The following GLCCI1 variants were observed in gnomAD, a reference collection of about 807,000 sequenced individuals.
GLCCI1 encodes the protein glucocorticoid-induced transcript 1 protein.
In GLCCI1, 24 loss-of-function variants were observed where a neutral mutation model predicts 52.2. That is an observed-to-expected ratio of 0.46 (90% CI 0.33 to 0.65). The LOEUF is 0.65. GLCCI1 is among the 30% of genes least tolerant of loss of function. The pLI, the probability that GLCCI1 is intolerant of heterozygous loss-of-function variation, is 0.02. For missense variants in GLCCI1, 704 were observed against 701.5 expected, an observed-to-expected ratio of 1.00 and a Z score of -0.04; for synonymous variants, 310 against 276.5, an observed-to-expected ratio of 1.12 and a Z score of -1.20.
intron 6 of GLCCI1, among the ~76,000 whole-genome samples, chr7:8,079,750 A>AAAGAGTAACTTTTGT (rs1225895803): frequency 6.6e-6 from 1 of 151,524 alleles, no homozygotes; most frequent in East Asian, 1.9e-4. Context: ...AAAATATAAA[A>AAAGAGTAACTTTTGT]TACCTCCTAC....
At chr7:8,079,297 A>G (rs1782942860) in intron 6 of GLCCI1, among the ~76,000 whole-genome samples, 1 of 151,982 alleles carries the variant, frequency 6.6e-6, no homozygotes, top group East Asian at 1.9e-4. Context: ...TTTTTTAAAA[A>G]CTGATGTTCC....
intron 1 of GLCCI1, among the ~76,000 whole-genome samples, chr7:7,999,498 C>T (rs894440467): frequency 4.6e-5 from 7 of 152,082 alleles, no homozygotes; most frequent in Non-Finnish European, 7.4e-5. Flanking sequence ...GTCCTAACTA[C>T]TGTAGAGCTG....
intron 1 of GLCCI1, among the ~76,000 whole-genome samples, chr7:7,974,850 C>G (rs1283745764): frequency 1.3e-5 from 2 of 152,166 alleles, no homozygotes; most frequent in African/African-American, 2.4e-5. Flanking sequence ...AGCCCCTGTC[C>G]TAGTCTGTGT....
intron 1 of GLCCI1, chr7:7,980,704 C>T: frequency 1.3e-6 from 1 of 744,816 alleles, no homozygotes; most frequent in Non-Finnish European, 2.3e-6. Context: ...CAGTGATCAA[C>T]ATGGATCTCA....
chr7:8,064,466 C>G (rs1782586835), intron 5 of GLCCI1, among the ~76,000 whole-genome samples: 1 of 152,080 alleles, frequency 6.6e-6, no homozygotes, highest in African/African-American at 2.4e-5. Flanking sequence ...GTCTATATGT[C>G]TGCTTTTGTA....
intron 3 of GLCCI1, among the ~76,000 whole-genome samples, chr7:8,027,155 A>C (rs1041683921): frequency 6.6e-6 from 1 of 152,226 alleles, no homozygotes; most frequent in Non-Finnish European, 1.5e-5. Flanking sequence ...ACCAGGGACT[A>C]ATCCTAGAGA....
chr7:8,069,494 G>C (rs1782706034), intron 5 of GLCCI1, among the ~76,000 whole-genome samples: 1 of 152,134 alleles, frequency 6.6e-6, no homozygotes, highest in South Asian at 2.1e-4. Context: ...GTTGCTACTG[G>C]GATGTTCAGC....
chr7:7,973,953 A>G (rs568917374), intron 1 of GLCCI1, among the ~76,000 whole-genome samples: 1 of 152,158 alleles, frequency 6.6e-6, no homozygotes, highest in Admixed American at 6.5e-5. Context: ...TCTTTCTATA[A>G]AGTTTTATTC....
At position 8,086,329 on chromosome 7, in the gene GLCCI1, A is replaced by C; in HGVS notation, c.1435A>C (p.Asn479His). 1 of 1,614,006 alleles carries C rather than the reference A, an allele frequency of 6.2e-7. No individual in the cohort carries two copies. Among genetic ancestry groups the C allele is most frequent in the Non-Finnish European group, 8.5e-7 (1 of 1,179,950 alleles). Residue 479 changes from asparagine to histidine, a missense_variant, in exon 8 of 8, where the codon AAC (asparagine) becomes CAC (histidine). Asn to His is a moderately conservative substitution (Grantham distance 68). Coordinates refer to ENST00000223145, the MANE Select transcript of GLCCI1 (RefSeq NM_138426.4). This position sits in a 1 kb window ranked among gnomAD's most constrained non-coding sequence, Gnocchi z 4.4. ...ACCTGCTTCTGACCTTATGCTCAAG[A>C]ACTCCCCTAACTCTGGCCAGAGCTC... The part of the protein sequence containing the change: ...LLPASDLMLK[N>H]SPNSGQSSAL...
chr7:8,081,588 TA>T (rs2127968786), intron 6 of GLCCI1, among the ~76,000 whole-genome samples: 1 of 152,318 alleles, frequency 6.6e-6, no homozygotes, highest in African/African-American at 2.4e-5. Flanking sequence ...GGCCCCACAA[TA>T]TACCAGATAT....
At chr7:7,987,670 C>T (rs1209346260) in intron 1 of GLCCI1, among the ~76,000 whole-genome samples, 1 of 152,102 alleles carries the variant, frequency 6.6e-6, no homozygotes, top group East Asian at 1.9e-4. Context: ...TCACTGTAAC[C>T]CCAGACTCCT....
Position 7,969,651 on chromosome 7 carries a change from G to A in GLCCI1, c.301G>A (p.Ala101Thr). Reference protein sequence around the residue: ...SLGSLPGPGAARGPSPSSPTP... With the variant: ...SLGSLPGPGATRGPSPSSPTP... ...GGGCAGCCTCCCGGGGCCCGGCGCG[G>A]CCCGCGGCCCCAGCCCGTCCAGCCC... The change falls in exon 1 of 8, where the codon GCC becomes ACC. Residue 101 changes from alanine to threonine, a missense_variant. This residue lies in a region of GLCCI1 where 547 missense variants were observed against 524.8 expected (regional missense o/e 1.04). Coordinates refer to ENST00000223145, the MANE Select transcript of GLCCI1 (RefSeq NM_138426.4). This position sits in a 1 kb window ranked among gnomAD's most constrained non-coding sequence, Gnocchi z 4.9. The A allele has an allele frequency of 9.9e-7, 1 of 1,013,304 alleles. No homozygotes were observed. Among genetic ancestry groups the A allele is most frequent in the African/African-American group, 1.7e-5 (1 of 57,170 alleles). 62.8% of individuals were successfully genotyped at this position (1,013,304 alleles called of 1,614,324 possible).
At chr7:8,003,206 C>G (rs879579251) in intron 1 of GLCCI1, among the ~76,000 whole-genome samples, 1 of 152,002 alleles carries the variant, frequency 6.6e-6, no homozygotes, top group Non-Finnish European at 1.5e-5. Context: ...GCAAGTATAT[C>G]TTAGAAGGAA....
chr7:8,020,633 A>G (rs1781464193), intron 2 of GLCCI1, among the ~76,000 whole-genome samples: 1 of 152,198 alleles, frequency 6.6e-6, no homozygotes, highest in Non-Finnish European at 1.5e-5. Flanking sequence ...GGCTGTACAA[A>G]ATGAATGTAA....
intron 3 of GLCCI1, among the ~76,000 whole-genome samples, chr7:8,027,852 A>G (rs1381778622): frequency 2.0e-5 from 3 of 152,232 alleles, no homozygotes; most frequent in African/African-American, 7.2e-5. Flanking sequence ...ATTTGGAGAC[A>G]AAAACTGTAA....
At chr7:8,062,880 T>G (rs1018445166) in intron 5 of GLCCI1, among the ~76,000 whole-genome samples, 12 of 152,194 alleles carry the variant, frequency 7.9e-5, no homozygotes, top group South Asian at 4.1e-4. Flanking sequence ...TGATGGGCAT[T>G]TAGGTTGATT....
chr7:8,004,263 C>T (rs1301549137), intron 2 of GLCCI1: 1 of 499,590 alleles, frequency 2.0e-6, no homozygotes, highest in Non-Finnish European at 3.5e-6. Context: ...TTCTTTAATA[C>T]TTAAATAGCA....
chr7:7,994,423 G>C (rs1583954831), intron 1 of GLCCI1, among the ~76,000 whole-genome samples: 1 of 152,140 alleles, frequency 6.6e-6, no homozygotes, highest in East Asian at 1.9e-4. Flanking sequence ...GAAATTCATT[G>C]TTCACAATTC....
rs549581491 is a variant in GLCCI1 at position 7,993,615 on chromosome 7, G to T, written c.458-10293G>T. The stretch of plus-strand genomic sequence containing the variant: ...AATTGTGTTCTCTGGACCATCAGAA[G>T]CCTGGGTACATTCCTTTGCTGTCTC... On this transcript the variant is annotated intron_variant, in intron 1 of 7. Coordinates refer to ENST00000223145, the MANE Select transcript of GLCCI1 (RefSeq NM_138426.4). 5.3e-5 allele frequency among the ~76,000 whole-genome samples: 8 copies of T among 152,248 alleles called. No individual in the cohort carries two copies. In the South Asian group the frequency reaches 1.2e-3, roughly 24 times the overall value.
Sources: allele counts gnomAD v4.1 joint callset (sites outside exome capture counted in the v4.1 genomes callset), GRCh38; gene constraint gnomAD v4.1.1; regional missense constraint gnomAD v4.1.1; non-coding constraint Gnocchi (gnomAD v3.1); transcripts MANE v1.5; gene names NCBI Gene and HGNC (gene_info 2026-07-23, HGNC 2026-07-21).